Variants in VASH2 observed in about 807,000 individuals in gnomAD.
VASH2 encodes the protein tubulinyl-Tyr carboxypeptidase 2.
A neutral mutation model predicts 37.2 loss-of-function variants in VASH2; 28 were observed. The observed-to-expected ratio is 0.75, with a 90% CI of 0.56 to 1.03. VASH2 has a LOEUF of 1.03. Among genes scored for constraint, VASH2 ranks in the 50% least tolerant of loss-of-function variants. The probability of loss-of-function intolerance (pLI) is 0.00; values close to 1 mark genes in which losing one functional copy is unlikely to be tolerated. For synonymous variants in VASH2, 188 were observed against 174.7 expected (o/e 1.08, Z -0.60); for missense variants, 419 against 459.1 (o/e 0.91, Z 0.80).
intron 2 of VASH2, among the ~76,000 whole-genome samples, chr1:212,953,575 G>T (rs1666391103): frequency 6.6e-6 from 1 of 152,144 alleles, no homozygotes; most frequent in Non-Finnish European, 1.5e-5. Context: ...AGGATGGAAG[G>T]GACTTGGAGT....
chr1:212,955,128 G>A (rs1250220215), intron 2 of VASH2, among the ~76,000 whole-genome samples: 1 of 152,240 alleles, frequency 6.6e-6, no homozygotes, highest in Admixed American at 6.5e-5. Flanking sequence ...TACAGAAGAA[G>A]GGTGGTAGGG....
intron 7 of VASH2, among the ~76,000 whole-genome samples, chr1:212,975,800 T>C (rs577822714): frequency 6.6e-6 from 1 of 152,314 alleles, no homozygotes; most frequent in African/African-American, 2.4e-5. Context: ...CTTCAGCAAA[T>C]GTCGAGCAGA....
rs572522836 is a variant in VASH2 at position 212,959,751 on chromosome 1, G to C, written c.277-1415G>C. Among the ~76,000 whole-genome samples, 13 of 152,334 alleles carry C rather than the reference G, an allele frequency of 8.5e-5. No homozygotes were observed. In the East Asian group the frequency reaches 1.9e-3, roughly 23 times the overall value. ...ACAGCCTTAGGCAGTGTCTGCCTCTGCTGCCTGGCCTGGCTGCACAGGGCC... is the reference window on the plus strand; with the variant it reads ...ACAGCCTTAGGCAGTGTCTGCCTCTCCTGCCTGGCCTGGCTGCACAGGGCC... On this transcript the variant is annotated intron_variant, in intron 2 of 7. Transcript: ENST00000517399.
rs1301245344 is a variant in VASH2, at chr1:212,971,256, T to C, written c.498-1324T>C. Among the ~76,000 whole-genome samples, 3 of 152,240 alleles carry C rather than the reference T, an allele frequency of 2.0e-5. No homozygotes were observed. The highest frequency in any genetic ancestry group is 3.8e-4 in the East Asian group (2 of 5,200). ...ATTGCAAATGATGCTGTTCAGAGCATGGGTGTACAAATACCTGCTGGGGTC... is the reference window on the plus strand; with the variant it reads ...ATTGCAAATGATGCTGTTCAGAGCACGGGTGTACAAATACCTGCTGGGGTC... On this transcript the variant is annotated intron_variant, in intron 5 of 7. Coordinates refer to ENST00000517399, the MANE Select transcript of VASH2 (RefSeq NM_001301056.2). The surrounding 1 kb of genome is among the most constrained non-coding windows in gnomAD (Gnocchi z 4.0).
At chr1:212,973,729 C>T in intron 6 of VASH2, 2 of 1,328,924 alleles carry the variant, frequency 1.5e-6, no homozygotes, top group Non-Finnish European at 1.9e-6. Flanking sequence ...CACAATGTGA[C>T]CATCTGTATA....
Position 212,950,955 on chromosome 1 carries a change from C to A in VASH2, c.-205+215C>A, listed in dbSNP as rs1358747031. Among the ~76,000 whole-genome samples the A allele has an allele frequency of 6.6e-6, 1 of 152,258 alleles. No homozygotes were observed. Among genetic ancestry groups the A allele is most frequent in the African/African-American group, 2.4e-5 (1 of 41,476 alleles). The stretch of plus-strand genomic sequence containing the variant: ...CCCTCGCGCCAGCTCTGGGCGCTCA[C>A]ATGCCAGCACGTTCGTGGCTCCCCT... On this transcript the variant is annotated intron_variant, in intron 1 of 7. Coordinates refer to ENST00000517399, the MANE Select transcript of VASH2 (RefSeq NM_001301056.2). This position sits in a 1 kb window ranked among gnomAD's most constrained non-coding sequence, Gnocchi z 5.5.
chr1:212,981,412 G>A (rs1333110668), intron 7 of VASH2, among the ~76,000 whole-genome samples: 2 of 152,204 alleles, frequency 1.3e-5, no homozygotes, highest in Non-Finnish European at 2.9e-5. Context: ...CCGTCCAGCT[G>A]AGGCCATGCT....
At chr1:212,969,619 T>C (rs1666950655) in intron 5 of VASH2, among the ~76,000 whole-genome samples, 1 of 152,228 alleles carries the variant, frequency 6.6e-6, no homozygotes, top group Admixed American at 6.5e-5. Context: ...CAGGCTGATC[T>C]TGAACTCCTG....
intron 5 of VASH2, chr1:212,968,963 G>C (rs1183157307): frequency 8.1e-6 from 8 of 985,242 alleles, no homozygotes. Flanking sequence ...ATACATTTGC[G>C]CATCATGCCA....
In VASH2 at chr1:212,953,170, C is replaced by T. The variant is rs553520961; in HGVS notation, c.276+1352C>T. On this transcript the variant is annotated intron_variant, in intron 2 of 7. Coordinates refer to ENST00000517399, the MANE Select transcript of VASH2 (RefSeq NM_001301056.2). ...CCATGCTGCCTTTCTTAGTAGCACC[C>T]GTACCAACCCTGCCTCTAATTGTGC... Among the ~76,000 whole-genome samples, 28 of 152,238 alleles carry T rather than the reference C, an allele frequency of 1.8e-4. No homozygotes were observed. In the South Asian group the frequency reaches 2.3e-3, roughly 12 times the overall value.
At chr1:212,983,062 G>T (rs1396066953) in intron 7 of VASH2, among the ~76,000 whole-genome samples, 1 of 152,168 alleles carries the variant, frequency 6.6e-6, no homozygotes, top group East Asian at 1.9e-4. Flanking sequence ...CATGATAAAG[G>T]TAACAGATGA....
At chr1:212,961,318 G>C (rs1396194954) in intron 3 of VASH2, 64 bp downstream of exon 3, 6 of 1,610,966 alleles carry the variant, frequency 3.7e-6, no homozygotes, top group South Asian at 3.3e-5. Flanking sequence ...TCGCAAGCCT[G>C]GTGGCAAATC....
chr1:212,965,736 G>C lies in VASH2; in HGVS notation c.380G>C (p.Gly127Ala). ...ACTTTACACAGATATAATCACACAG[G>C]GACCCAGTTCTTTGAAATTAGGAAA... ...YMKTLQYNHT[G>A]TQFFEIRKMR... The change falls in exon 4 of 8, where the codon GGG becomes GCG. Residue 127 changes from glycine to alanine, a missense_variant. Gly to Ala is a moderately conservative substitution (Grantham distance 60). Coordinates refer to ENST00000517399, the MANE Select transcript of VASH2 (RefSeq NM_001301056.2). 6.4e-7 allele frequency: 1 copy of C among 1,552,126 alleles called. No individual in the cohort carries two copies. The highest frequency in any genetic ancestry group is 8.7e-7 in the Non-Finnish European group (1 of 1,146,972).
intron 5 of VASH2, chr1:212,967,190 C>A (rs1302674704): frequency 5.1e-5 from 67 of 1,303,952 alleles, no homozygotes; most frequent in Non-Finnish European, 6.5e-5. Context: ...GGCTCTTCAG[C>A]CTGAGAGGAA....
chr1:212,972,988 A>T (rs749328159), intron 6 of VASH2, 27 bp downstream of exon 6: 4 of 1,596,188 alleles, frequency 2.5e-6, no homozygotes, highest in Non-Finnish European at 3.4e-6. Flanking sequence ...CAAGGAAGCC[A>T]TGCAGGAGAG....
chr1:212,973,623 G>T, intron 6 of VASH2: 1 of 1,226,378 alleles, frequency 8.2e-7, no homozygotes, highest in South Asian at 1.5e-5. Flanking sequence ...ATGGGACTTT[G>T]CCTTCGTGAG....
intron 5 of VASH2, chr1:212,969,026 T>A: frequency 1.0e-6 from 1 of 985,448 alleles, no homozygotes. Flanking sequence ...AGGAACAGCC[T>A]TTGAGCCTGT....
At chr1:212,977,893 G>A (rs1179602866) in intron 7 of VASH2, among the ~76,000 whole-genome samples, 3 of 152,182 alleles carry the variant, frequency 2.0e-5, no homozygotes, top group East Asian at 1.9e-4. Context: ...TGCTTCAGCC[G>A]CAGGCCTCCA....
intron 7 of VASH2, among the ~76,000 whole-genome samples, chr1:212,975,435 G>C (rs949695531): frequency 6.6e-6 from 1 of 152,206 alleles, no homozygotes; most frequent in African/African-American, 2.4e-5. Flanking sequence ...GATGAGAACA[G>C]TTTTGGCATA....
Sources: allele counts gnomAD v4.1 joint callset (sites outside exome capture counted in the v4.1 genomes callset), GRCh38; gene constraint gnomAD v4.1.1; non-coding constraint Gnocchi (gnomAD v3.1); transcripts MANE v1.5; gene names NCBI Gene and HGNC (gene_info 2026-07-23, HGNC 2026-07-21).